FHIT: variants seen among roughly 807,000 people sequenced by gnomAD.
The protein encoded by FHIT is bis(5'-adenosyl)-triphosphatase.
Under a neutral mutation model 17.9 loss-of-function variants are expected in FHIT, and 19 were observed. The observed-to-expected ratio is 1.06, with a 90% CI of 0.74 to 1.56. The LOEUF is 1.56. Among genes scored for constraint, FHIT ranks in the 40% most tolerant of loss-of-function variants. The pLI is 0.00. For synonymous variants in FHIT, 81 were observed against 69.7 expected, an observed-to-expected ratio of 1.16 and a Z score of -0.81; for missense variants, 248 against 189.2, an observed-to-expected ratio of 1.31 and a Z score of -1.82.
At chr3:60,233,400 G>C (rs985560047) in intron 5 of FHIT, among the ~76,000 whole-genome samples, 4 of 151,842 alleles carry the variant, frequency 2.6e-5, no homozygotes, top group African/African-American at 9.7e-5. Flanking sequence ...AGCCTTAGAG[G>C]GCTCCTCCCC....
intron 5 of FHIT, among the ~76,000 whole-genome samples, chr3:60,147,753 G>A (rs59746448): frequency 0.13 from 19,351 of 152,152 alleles, 1,934 homozygotes; most frequent in African/African-American, 0.27. Context: ...TTTATCGCTA[G>A]ATGCAGTCAG....
At chr3:60,149,005 C>T (rs1700352389) in intron 5 of FHIT, among the ~76,000 whole-genome samples, 2 of 152,122 alleles carry the variant, frequency 1.3e-5, no homozygotes, top group Admixed American at 1.3e-4. Context: ...AGAGGAGGTT[C>T]CCTACGGTCT....
At chr3:60,850,365 C>T (rs1575596234) in intron 3 of FHIT, among the ~76,000 whole-genome samples, 1 of 147,462 alleles carries the variant, frequency 6.8e-6, no homozygotes, top group East Asian at 2.0e-4. Context: ...CTCTCTCTCT[C>T]TCATGCTCTG....
chr3:60,804,257 A>G (rs1701303762), intron 4 of FHIT, among the ~76,000 whole-genome samples: 1 of 152,216 alleles, frequency 6.6e-6, no homozygotes, highest in Non-Finnish European at 1.5e-5. Context: ...CCTCATGGTT[A>G]TAGGAGGCAG....
chr3:60,080,475 AT>A (rs1053182592), intron 5 of FHIT, among the ~76,000 whole-genome samples: 1 of 152,068 alleles, frequency 6.6e-6, no homozygotes, highest in Non-Finnish European at 1.5e-5. Flanking sequence ...CTGCAAGTAA[AT>A]TTTCTGAGAT....
chr3:60,759,253 T>C (rs782616005), intron 4 of FHIT, among the ~76,000 whole-genome samples: 3 of 152,174 alleles, frequency 2.0e-5, no homozygotes, highest in Non-Finnish European at 2.9e-5. Context: ...GCTACTGTGT[T>C]GCAAATAAGG....
intron 3 of FHIT, among the ~76,000 whole-genome samples, chr3:60,833,519 C>A (rs930429205): frequency 1.3e-5 from 2 of 152,174 alleles, no homozygotes; most frequent in African/African-American, 2.4e-5. Flanking sequence ...CAATTGTATT[C>A]TGTGACCTTC....
At chr3:60,512,051 C>A (rs576749487) in intron 5 of FHIT, among the ~76,000 whole-genome samples, 3 of 151,884 alleles carry the variant, frequency 2.0e-5, no homozygotes, top group Admixed American at 1.3e-4. Flanking sequence ...GTTGAAAGAA[C>A]GACAAAAATA....
At chr3:61,183,620 C>T (rs2038411782) in intron 2 of FHIT, among the ~76,000 whole-genome samples, 1 of 152,124 alleles carries the variant, frequency 6.6e-6, no homozygotes. Flanking sequence ...AATATCTGCC[C>T]CATGAATTGT....
At chr3:60,502,671 T>C (rs1171538218) in intron 5 of FHIT, among the ~76,000 whole-genome samples, 3 of 152,138 alleles carry the variant, frequency 2.0e-5, no homozygotes. Flanking sequence ...AAGCACTCAA[T>C]AGAACAGACA....
At position 60,682,892 on chromosome 3, in the gene FHIT, G is replaced by C. The variant is rs7640548; in HGVS notation, c.-18+139027C>G. On this transcript the variant is annotated intron_variant, in intron 4 of 9. Transcript: ENST00000492590. Reference sequence around the variant, plus strand: ...GTCATTGAGAACATTCATGATTTATGGGAGGACAACAAAATATTAACATGA... The same window carrying C: ...GTCATTGAGAACATTCATGATTTATCGGAGGACAACAAAATATTAACATGA... Among the ~76,000 whole-genome samples the C allele has an allele frequency of 8.6e-3, 1,317 of 152,272 alleles. 21 individuals carry two copies. Among genetic ancestry groups the C allele is most frequent in the African/African-American group, 0.03 (1,254 of 41,560 alleles).
At chr3:60,267,164 A>ATTTTACTGC (rs1706621784) in intron 5 of FHIT, among the ~76,000 whole-genome samples, 1 of 152,058 alleles carries the variant, frequency 6.6e-6, no homozygotes, top group Non-Finnish European at 1.5e-5. Flanking sequence ...TTGAAATGTA[A>ATTTTACTGC]AAAATAAAAA....
At chr3:60,119,781 G>A (rs187447493) in intron 5 of FHIT, among the ~76,000 whole-genome samples, 1 of 152,030 alleles carries the variant, frequency 6.6e-6, no homozygotes, top group African/African-American at 2.4e-5. Flanking sequence ...AACTTCAACC[G>A]TCCCTCCAGT....
intron 2 of FHIT, among the ~76,000 whole-genome samples, chr3:61,085,256 C>A (rs1400004687): frequency 1.3e-5 from 2 of 152,102 alleles, no homozygotes; most frequent in African/African-American, 4.8e-5. Flanking sequence ...CATTCACATT[C>A]CTAATAGCTT....
chr3:60,013,919 C>G, intron 6 of FHIT, 88 bp downstream of exon 6: 1 of 1,308,704 alleles, frequency 7.6e-7, no homozygotes, highest in Admixed American at 1.9e-5. Flanking sequence ...ATCACATCTG[C>G]CCTCCTGGTA....
chr3:59,917,605 G>A (rs1247783613), intron 8 of FHIT, among the ~76,000 whole-genome samples: 5 of 152,198 alleles, frequency 3.3e-5, no homozygotes, highest in Non-Finnish European at 4.4e-5. Flanking sequence ...GAACATAGAT[G>A]TAGAAAGAGT....
chr3:60,492,991 G>A (rs1344335615), intron 5 of FHIT, among the ~76,000 whole-genome samples: 1 of 152,026 alleles, frequency 6.6e-6, no homozygotes, highest in Non-Finnish European at 1.5e-5. Flanking sequence ...AATAAAACAG[G>A]ACACAGTACA....
rs112060356 is a variant in FHIT at position 60,319,973 on chromosome 3, C to T, written c.103+216887G>A. On this transcript the variant is annotated intron_variant, in intron 5 of 9. Transcript: ENST00000492590. Reference sequence around the variant, plus strand: ...TGCACAATAGCAGCTCTCACAAAACCGCAGTCACTGGGGGCTCTTTCAGTA... The same window carrying T: ...TGCACAATAGCAGCTCTCACAAAACTGCAGTCACTGGGGGCTCTTTCAGTA... Among the ~76,000 whole-genome samples the T allele has an allele frequency of 8.6e-3, 1,312 of 152,186 alleles. 16 individuals carry two copies. The highest frequency in any genetic ancestry group is 0.03 in the African/African-American group (1,238 of 41,494).
intron 3 of FHIT, among the ~76,000 whole-genome samples, chr3:61,036,046 G>A (rs1000018925): frequency 5.9e-5 from 9 of 152,186 alleles, no homozygotes; most frequent in African/African-American, 1.9e-4. Flanking sequence ...ACCTGAGACT[G>A]GGTAATTTAT....
Sources: gnomAD v4.1 joint callset for allele counts (sites outside exome capture counted in the v4.1 genomes callset) on GRCh38, gnomAD v4.1.1 for gene constraint, MANE v1.5 for transcripts, NCBI Gene and HGNC (gene_info 2026-07-23, HGNC 2026-07-21) for gene names.